PTPN4: variants seen among roughly 807,000 people sequenced by gnomAD.
PTPN4 encodes protein tyrosine phosphatase non-receptor type 4.
PTPN4 carries 49 observed loss-of-function variants against 135.5 expected under a neutral mutation model. The ratio of observed to expected loss-of-function variants is 0.36; its 90% confidence interval spans 0.29 to 0.46. The LOEUF (loss-of-function observed/expected upper bound fraction) is 0.46, where lower values mean the gene tolerates loss of function less well. PTPN4 is among the 20% of genes least tolerant of loss of function. The pLI is 1.00. For missense variants in PTPN4, 860 were observed against 1,101.0 expected (o/e 0.78, Z 3.10); for synonymous variants, 333 against 369.9 (o/e 0.90, Z 1.14).
At chr2:119,767,171 C>T (rs1690643696) in intron 1 of PTPN4, among the ~76,000 whole-genome samples, 1 of 152,148 alleles carries the variant, frequency 6.6e-6, no homozygotes, top group African/African-American at 2.4e-5. Context: ...TTTCCAGATG[C>T]CCCAAGTGGT....
chr2:119,825,495 CTTT>C (rs891070534), intron 2 of PTPN4, among the ~76,000 whole-genome samples: 3 of 129,250 alleles, frequency 2.3e-5, no homozygotes, highest in Non-Finnish European at 1.6e-5. Flanking sequence ...GAACCCAAGC[CTTT>C]TTTTTTTTTT....
At chr2:119,831,060 G>A (rs1262054766) in intron 2 of PTPN4, among the ~76,000 whole-genome samples, 1 of 152,182 alleles carries the variant, frequency 6.6e-6, no homozygotes, top group African/African-American at 2.4e-5. Flanking sequence ...ATGGATGGGG[G>A]GTGGCAGTAG....
At chr2:119,914,596 C>T (rs1678624398) in intron 10 of PTPN4, among the ~76,000 whole-genome samples, 1 of 152,004 alleles carries the variant, frequency 6.6e-6, no homozygotes, top group Admixed American at 6.6e-5. Flanking sequence ...GGACATTTTT[C>T]TCAGTAAGAA....
chr2:119,951,398 A>G (rs1312775136), intron 18 of PTPN4, among the ~76,000 whole-genome samples: 1 of 152,134 alleles, frequency 6.6e-6, no homozygotes, highest in African/African-American at 2.4e-5. Context: ...GATTTAGGTT[A>G]TTCATTTTAA....
intron 9 of PTPN4, among the ~76,000 whole-genome samples, chr2:119,899,798 T>C (rs1678377985): frequency 6.6e-6 from 1 of 152,164 alleles, no homozygotes; most frequent in African/African-American, 2.4e-5. Flanking sequence ...TGCAAATTAA[T>C]ATACACTGTT....
rs1373105395 is a variant in PTPN4 at position 119,977,152 on chromosome 2, G to T, written c.*82G>T. Reference sequence around the variant, plus strand: ...TGCCATAATGCTGCTCGCAGGAAATGGCATTTTACAAAAAAAAAATGAAGA... The same window carrying T: ...TGCCATAATGCTGCTCGCAGGAAATTGCATTTTACAAAAAAAAAATGAAGA... On this transcript the variant is annotated 3_prime_UTR_variant, in exon 27 of 27. Transcript: ENST00000263708. 2.2e-6 allele frequency: 3 copies of T among 1,375,796 alleles called. No homozygotes were observed. The highest frequency in any genetic ancestry group is 2.8e-6 in the Non-Finnish European group (3 of 1,060,910). 85.2% of individuals were successfully genotyped at this position (1,375,796 alleles called of 1,614,324 possible). A position where few individuals can be genotyped will look rare whatever the true frequency, so the allele number is the denominator to read the frequency against.
rs1486813424 is a variant in PTPN4 at position 119,930,121 on chromosome 2, C to T, written c.1071-2303C>T. Among the ~76,000 whole-genome samples, 8 of 152,014 alleles carry T rather than the reference C, an allele frequency of 5.3e-5. No homozygotes were observed. In the East Asian group the frequency reaches 1.3e-3, roughly 26 times the overall value. On this transcript the variant is annotated intron_variant, in intron 13 of 26. Transcript: ENST00000263708. Reference sequence around the variant, plus strand: ...TGCAATATGAGGGAGTTGAACTAAACGGTGTCATGAGTTGTCTTCAAATCA... The same window carrying T: ...TGCAATATGAGGGAGTTGAACTAAATGGTGTCATGAGTTGTCTTCAAATCA...
intron 2 of PTPN4, among the ~76,000 whole-genome samples, chr2:119,844,370 CCCGGACGGGGTGGCTG>C (rs1677443623): frequency 2.7e-5 from 4 of 147,868 alleles, no homozygotes; most frequent in African/African-American, 1.0e-4. Context: ...CCACCTCCCT[CCCGGACGGGGTGGCTG>C]CCGGGCGGAG....
At chr2:119,767,876 TA>T (rs1354998968) in intron 1 of PTPN4, among the ~76,000 whole-genome samples, 5 of 152,242 alleles carry the variant, frequency 3.3e-5, no homozygotes, top group Non-Finnish European at 7.3e-5. Context: ...TGGGTTTCTC[TA>T]CTGTGAAGTT....
chr2:119,828,877 T>C (rs975107134), intron 2 of PTPN4, among the ~76,000 whole-genome samples: 11 of 152,210 alleles, frequency 7.2e-5, no homozygotes, highest in South Asian at 2.1e-4. Flanking sequence ...TGCTAGGTGA[T>C]AGGAATTTTT....
intron 2 of PTPN4, among the ~76,000 whole-genome samples, chr2:119,847,204 T>C (rs1221139327): frequency 6.8e-6 from 1 of 147,440 alleles, no homozygotes; most frequent in Admixed American, 6.8e-5. Context: ...AGAGTATATA[T>C]ATACACACAT....
At chr2:119,795,731 G>T (rs1691245379) in intron 1 of PTPN4, among the ~76,000 whole-genome samples, 1 of 152,246 alleles carries the variant, frequency 6.6e-6, no homozygotes, top group South Asian at 2.1e-4. Flanking sequence ...TGCCTGGGGG[G>T]CGGGGCTTCT....
chr2:119,803,788 C>T (rs1034798407), intron 1 of PTPN4, among the ~76,000 whole-genome samples: 1 of 150,738 alleles, frequency 6.6e-6, no homozygotes, highest in African/African-American at 2.4e-5. Context: ...TTTTTTATTT[C>T]AGTTTGACAG....
At chr2:119,832,327 A>G (rs1419782481) in intron 2 of PTPN4, among the ~76,000 whole-genome samples, 2 of 152,124 alleles carry the variant, frequency 1.3e-5, no homozygotes, top group South Asian at 4.1e-4. Context: ...ATTTGAGAGG[A>G]GTTTTCCATA....
In PTPN4 at chr2:119,878,953, T is replaced by A. The variant is rs537829525; in HGVS notation, c.368+1411T>A. On this transcript the variant is annotated intron_variant, in intron 5 of 26. Transcript: ENST00000263708. ...CTAAAAATACAAAAAATTAGCCGGG[T>A]GTGGTGGCAGGCGCCTGTAGTCCCA... is the stretch of plus-strand genomic sequence containing the variant. 2.0e-5 allele frequency among the ~76,000 whole-genome samples: 3 copies of A among 150,574 alleles called. No individual in the cohort carries two copies. The East Asian group carries it at 5.8e-4, about 29-fold the overall frequency.
chr2:119,953,128 C>T (rs1679232915), intron 19 of PTPN4, among the ~76,000 whole-genome samples: 1 of 152,110 alleles, frequency 6.6e-6, no homozygotes. Flanking sequence ...TATCAGTCTG[C>T]TCTAAGAAAA....
chr2:119,912,146 A>G (rs1678580738), intron 10 of PTPN4, among the ~76,000 whole-genome samples: 1 of 152,236 alleles, frequency 6.6e-6, no homozygotes, highest in African/African-American at 2.4e-5. Context: ...ATGAATCTCT[A>G]AATAATTAAG....
At position 119,977,215 on chromosome 2, in the gene PTPN4, T is replaced by G; in HGVS notation, c.*145T>G. On this transcript the variant is annotated 3_prime_UTR_variant, in exon 27 of 27. Coordinates refer to ENST00000263708, the MANE Select transcript of PTPN4 (RefSeq NM_002830.4). ...TTTGAAAACTTCAGCACTGTTGCAC[T>G]TTATGTTTTAAAAAATGTCACTCTT... is the stretch of plus-strand genomic sequence containing the variant. 3.2e-6 allele frequency: 4 copies of G among 1,265,882 alleles called. No homozygotes were observed. Among genetic ancestry groups the G allele is most frequent in the Non-Finnish European group, 4.1e-6 (4 of 983,054 alleles). The allele number at this position is 1,265,882 out of a possible 1,614,324, so 78.4% of individuals were successfully genotyped here. A position where few individuals can be genotyped will look rare whatever the true frequency, so the allele number is the denominator to read the frequency against.
chr2:119,779,212 A>T (rs1386421870), intron 1 of PTPN4, among the ~76,000 whole-genome samples: 5 of 152,220 alleles, frequency 3.3e-5, no homozygotes, highest in African/African-American at 4.8e-5. Flanking sequence ...TTAGTCCATT[A>T]TCTTATACTA....
Sources: allele counts gnomAD v4.1 joint callset (sites outside exome capture counted in the v4.1 genomes callset), GRCh38; gene constraint gnomAD v4.1.1; transcripts MANE v1.5; gene names NCBI Gene and HGNC (gene_info 2026-07-23, HGNC 2026-07-21).